The following ADAM12 variants were observed in gnomAD, a reference collection of about 807,000 sequenced individuals.
The protein encoded by ADAM12 is ADAM metallopeptidase domain 12.
ADAM12 carries 70 observed loss-of-function variants against 106.4 expected under a neutral mutation model. That is an observed-to-expected ratio of 0.66 (90% CI 0.54 to 0.80). The LOEUF is 0.80. Among genes scored for constraint, ADAM12 ranks in the 30% least tolerant of loss-of-function variants. The pLI is 0.00. For synonymous variants in ADAM12, 420 were observed against 433.5 expected (o/e 0.97, Z 0.39); for missense variants, 1,010 against 1,171.9 (o/e 0.86, Z 2.02).
intron 3 of ADAM12, among the ~76,000 whole-genome samples, chr10:126,216,918 CT>C (rs1957998167): frequency 6.6e-6 from 1 of 152,210 alleles, no homozygotes; most frequent in African/African-American, 2.4e-5. Context: ...TTCTTGAGGC[CT>C]TTTCCCTATA....
intron 2 of ADAM12, among the ~76,000 whole-genome samples, chr10:126,305,720 A>G (rs1355561809): frequency 6.6e-6 from 1 of 152,064 alleles, no homozygotes; most frequent in African/African-American, 2.4e-5. Flanking sequence ...TATGGTATAT[A>G]TTTTGAAAAA....
intron 21 of ADAM12, among the ~76,000 whole-genome samples, chr10:126,035,262 A>G (rs554078621): frequency 4.6e-5 from 7 of 152,324 alleles, no homozygotes; most frequent in South Asian, 2.1e-4. Flanking sequence ...TTTCAACCCA[A>G]TATTTTACTT....
rs1022501642 is a variant in ADAM12 at position 126,212,450 on chromosome 10, G to A, written c.261-57145C>T. Among the ~76,000 whole-genome samples the A allele has an allele frequency of 7.0e-4, 106 of 152,174 alleles. 5 individuals carry two copies. Among genetic ancestry groups the A allele is most frequent in the Non-Finnish European group, 2.9e-5 (2 of 68,014 alleles). ...CTCAGCTTTGTGAAAAAATTAAGAT[G>A]TACTTATCTTGATTAAACATTGGTT... On this transcript the variant is annotated intron_variant, in intron 3 of 22. Coordinates refer to ENST00000448723, the MANE Select transcript of ADAM12 (RefSeq NM_001288973.2).
intron 21 of ADAM12, among the ~76,000 whole-genome samples, chr10:126,031,665 T>G (rs1165291702): frequency 6.6e-6 from 1 of 152,236 alleles, no homozygotes; most frequent in Non-Finnish European, 1.5e-5. Context: ...TTAAACAAAG[T>G]AGCCTTTTCT....
chr10:126,200,491 C>G (rs944484399), intron 3 of ADAM12, among the ~76,000 whole-genome samples: 25 of 152,172 alleles, frequency 1.6e-4, no homozygotes, highest in African/African-American at 5.8e-4. Context: ...ACTCCTGTCT[C>G]CATCTCCCAC....
At chr10:126,239,313 T>C (rs1958478190) in intron 3 of ADAM12, among the ~76,000 whole-genome samples, 1 of 152,230 alleles carries the variant, frequency 6.6e-6, no homozygotes, top group Non-Finnish European at 1.5e-5. Flanking sequence ...ACCAATGTAC[T>C]ACTGGATGAA....
chr10:126,201,635 A>T (rs1420444057), intron 3 of ADAM12, among the ~76,000 whole-genome samples: 1 of 152,002 alleles, frequency 6.6e-6, no homozygotes, highest in Non-Finnish European at 1.5e-5. Context: ...GCCCTGGGAG[A>T]TGGGGAACTG....
At chr10:126,181,766 C>T (rs1017056818) in intron 3 of ADAM12, among the ~76,000 whole-genome samples, 1 of 152,208 alleles carries the variant, frequency 6.6e-6, no homozygotes, top group African/African-American at 2.4e-5. Flanking sequence ...ACTGGCATTA[C>T]ACCACTTCTT....
chr10:126,237,376 G>T (rs1435692068), intron 3 of ADAM12, among the ~76,000 whole-genome samples: 1 of 151,994 alleles, frequency 6.6e-6, no homozygotes, highest in Non-Finnish European at 1.5e-5. Flanking sequence ...AAATAGAGGG[G>T]ACTCCCCTAT....
At chr10:126,314,163 G>A (rs574235613) in intron 2 of ADAM12, among the ~76,000 whole-genome samples, 2 of 152,332 alleles carry the variant, frequency 1.3e-5, no homozygotes, top group African/African-American at 4.8e-5. Flanking sequence ...CAGGTTGGCA[G>A]GAGTAGCGTG....
chr10:126,043,177 G>A lies in ADAM12; in HGVS notation c.1996-29C>T, dbSNP rs1221521766. ...TCAGGGCAGAGGGGAGGGACGTGGG[G>A]TTAGGGCATATGCTCTGTGCATCAC... On this transcript the variant is annotated intron_variant, in intron 17 of 22. Transcript: ENST00000448723. This position sits in a 1 kb window ranked among gnomAD's most constrained non-coding sequence, Gnocchi z 4.1. The A allele has an allele frequency of 1.9e-6, 3 of 1,604,848 alleles. No homozygotes were observed. Among genetic ancestry groups the A allele is most frequent in the Non-Finnish European group, 2.6e-6 (3 of 1,173,152 alleles).
intron 4 of ADAM12, among the ~76,000 whole-genome samples, chr10:126,143,045 TGTATATGGTGTGCACATGTGC>T (rs1340928245): frequency 9.7e-5 from 13 of 134,286 alleles, no homozygotes; most frequent in Non-Finnish European, 2.2e-4. Flanking sequence ...TATGTATGTG[TGTATATGGTGTGCACATGTGC>T]ATATGTGTGC....
chr10:126,265,918 A>C (rs567192481), intron 3 of ADAM12, among the ~76,000 whole-genome samples: 396 of 152,338 alleles, frequency 2.6e-3, no homozygotes, highest in Non-Finnish European at 4.5e-3. Context: ...AATCTGGGAA[A>C]CATGAATACT....
intron 3 of ADAM12, among the ~76,000 whole-genome samples, chr10:126,155,840 C>T (rs1359576921): frequency 6.6e-6 from 1 of 152,044 alleles, no homozygotes; most frequent in East Asian, 1.9e-4. Flanking sequence ...AATAGAACAG[C>T]AATGAAATGC....
intron 3 of ADAM12, among the ~76,000 whole-genome samples, chr10:126,250,126 C>T (rs1243698110): frequency 2.6e-5 from 4 of 152,174 alleles, no homozygotes; most frequent in African/African-American, 9.7e-5. Context: ...CAAGCCAGGG[C>T]ATACCGACCG....
At chr10:126,062,875 A>T (rs531773133) in intron 14 of ADAM12, among the ~76,000 whole-genome samples, 2 of 152,360 alleles carry the variant, frequency 1.3e-5, no homozygotes, top group Admixed American at 1.3e-4. Context: ...CGGGGACGGC[A>T]CTAGGGATGC....
At chr10:126,055,164 C>G (rs1954601761) in intron 14 of ADAM12, among the ~76,000 whole-genome samples, 1 of 152,180 alleles carries the variant, frequency 6.6e-6, no homozygotes, top group Admixed American at 6.5e-5. Flanking sequence ...CTGCACCCAT[C>G]CCCTTACTCC....
chr10:126,171,225 G>T (rs1674943), intron 3 of ADAM12, among the ~76,000 whole-genome samples: 62,865 of 151,984 alleles, frequency 0.41, 13,182 homozygotes, highest in African/African-American at 0.46. Context: ...TATTTTAGGC[G>T]GCTTTCATTA....
At chr10:126,247,882 CT>C (rs1267081788) in intron 3 of ADAM12, among the ~76,000 whole-genome samples, 2 of 152,226 alleles carry the variant, frequency 1.3e-5, no homozygotes, top group Admixed American at 1.3e-4. Flanking sequence ...AGCCTGCCTC[CT>C]GGGATCCTGT....
Sources: gnomAD v4.1 joint callset for allele counts (sites outside exome capture counted in the v4.1 genomes callset) on GRCh38, gnomAD v4.1.1 for gene constraint, Gnocchi (gnomAD v3.1) non-coding constraint, MANE v1.5 for transcripts, NCBI Gene and HGNC (gene_info 2026-07-23, HGNC 2026-07-21) for gene names.